Variants in ABCC4 observed in about 807,000 individuals in gnomAD.
ABCC4 encodes ATP-binding cassette sub-family C member 4.
A neutral mutation model predicts 168.5 loss-of-function variants in ABCC4; 102 were observed. The ratio of observed to expected loss-of-function variants is 0.61; its 90% CI spans 0.52 to 0.71. The LOEUF is 0.71. Ranked by LOEUF, ABCC4 falls within the 30% of genes least tolerant of loss-of-function variation. The probability of loss-of-function intolerance (pLI) is 0.00; values close to 1 mark genes in which losing one functional copy is unlikely to be tolerated. For missense variants in ABCC4, 1,402 were observed against 1,605.8 expected, an observed-to-expected ratio of 0.87 and a Z score of 2.17; for synonymous variants, 617 against 590.7, an observed-to-expected ratio of 1.04 and a Z score of -0.65.
chr13:95,118,733 G>A (rs2035462124), intron 19 of ABCC4, among the ~76,000 whole-genome samples: 1 of 152,212 alleles, frequency 6.6e-6, no homozygotes, highest in Non-Finnish European at 1.5e-5. Context: ...GGGATGTCGA[G>A]AGAAGAGGAG....
At chr13:95,117,255 TA>T (rs5805902) in intron 19 of ABCC4, among the ~76,000 whole-genome samples, 62,608 of 135,840 alleles carry the variant, frequency 0.46, 13,786 homozygotes, top group Middle Eastern at 0.64. Context: ...TCATGCCTGT[TA>T]AAAAAAAAAA....
In ABCC4 at chr13:95,210,743, G is replaced by A. The variant is rs748419615; in HGVS notation, c.570C>T (p.Thr190=). The change falls in exon 5 of 31, where the codon ACC becomes ACT. Residue 190 remains threonine, a synonymous_variant. Transcript: ENST00000645237. ...RLSNMAMGKT[T]TGQIVNLLSN... ...ACAGCAGATTGACTATCTGGCCTGT[G>A]GTTGTCTTCCCCATGGCCATGTTAC... 5.6e-6 allele frequency: 9 copies of A among 1,614,148 alleles called. No homozygotes were observed. The highest frequency in any genetic ancestry group is 2.7e-5 in the African/African-American group (2 of 75,046).
chr13:95,047,238 G>C (rs1191046056), intron 27 of ABCC4, among the ~76,000 whole-genome samples: 1 of 152,114 alleles, frequency 6.6e-6, no homozygotes. Flanking sequence ...GTCCTGCCTG[G>C]CTCTGCCAAC....
At chr13:95,063,831 C>G (rs1299805339) in intron 25 of ABCC4, among the ~76,000 whole-genome samples, 2 of 152,188 alleles carry the variant, frequency 1.3e-5, no homozygotes, top group Non-Finnish European at 2.9e-5. Flanking sequence ...CAGAAACTGG[C>G]CTCTGCACCA....
At chr13:95,203,920 T>G (rs919124346) in intron 8 of ABCC4, among the ~76,000 whole-genome samples, 1 of 152,182 alleles carries the variant, frequency 6.6e-6, no homozygotes, top group Non-Finnish European at 1.5e-5. Context: ...CTGGGCCACC[T>G]TGGGTCTGTA....
chr13:95,048,806 T>G (rs1466962308), intron 27 of ABCC4, among the ~76,000 whole-genome samples: 2 of 152,108 alleles, frequency 1.3e-5, no homozygotes, highest in Non-Finnish European at 2.9e-5. Flanking sequence ...TTAAAGTCGT[T>G]TTTTAATTAA....
chr13:95,050,458 C>T (rs891446592), intron 27 of ABCC4, among the ~76,000 whole-genome samples: 1 of 152,206 alleles, frequency 6.6e-6, no homozygotes, highest in Admixed American at 6.5e-5. Flanking sequence ...AAAACACTCT[C>T]CTCCAGTCTT....
chr13:95,207,937 C>A lies in ABCC4; in HGVS notation c.786-12G>T. ...TTGCAGTTTTACTCCTAAGGGGAAC[C>A]AGACACGGGAGATGAGCCTGAGCGA... On this transcript the variant is annotated splice_polypyrimidine_tract_variant and intron_variant, in intron 6 of 30. Transcript: ENST00000645237. The A allele has an allele frequency of 6.2e-7, 1 of 1,611,360 alleles. No homozygotes were observed. The highest frequency in any genetic ancestry group is 8.5e-7 in the Non-Finnish European group (1 of 1,179,386).
chr13:95,075,609 C>G, intron 21 of ABCC4, 58 bp from the exon 22 acceptor site: 6 of 1,606,994 alleles, frequency 3.7e-6, no homozygotes, highest in Non-Finnish European at 5.1e-6. Context: ...AAACCTGCGG[C>G]CTCCCAAGCT....
chr13:95,272,317 G>A (rs1459565628), intron 1 of ABCC4, among the ~76,000 whole-genome samples: 1 of 152,010 alleles, frequency 6.6e-6, no homozygotes, highest in Non-Finnish European at 1.5e-5. Flanking sequence ...TGGGATTACA[G>A]GTGTGAGCCA....
At chr13:95,098,205 A>G (rs2034677511) in intron 20 of ABCC4, among the ~76,000 whole-genome samples, 1 of 152,042 alleles carries the variant, frequency 6.6e-6, no homozygotes, top group African/African-American at 2.4e-5. Flanking sequence ...ACATATCAAA[A>G]TCATTGGATG....
At chr13:95,094,541 T>A (rs1245918935) in intron 20 of ABCC4, among the ~76,000 whole-genome samples, 1 of 152,092 alleles carries the variant, frequency 6.6e-6, no homozygotes, top group Admixed American at 6.5e-5. Flanking sequence ...GAGACTTAAA[T>A]CTAAGACCTG....
intron 1 of ABCC4, among the ~76,000 whole-genome samples, chr13:95,276,245 C>G (rs544798802): frequency 1.1e-4 from 16 of 151,914 alleles, no homozygotes; most frequent in African/African-American, 3.9e-4. Flanking sequence ...AAGACCTAGT[C>G]CCTACAAAAA....
At chr13:95,215,534 G>A (rs1409116794) in intron 4 of ABCC4, among the ~76,000 whole-genome samples, 1 of 152,132 alleles carries the variant, frequency 6.6e-6, no homozygotes, top group East Asian at 1.9e-4. Flanking sequence ...GATGGGGAAG[G>A]TAATAGAATT....
intron 20 of ABCC4, among the ~76,000 whole-genome samples, chr13:95,105,503 A>G (rs1472780880): frequency 6.6e-6 from 1 of 152,226 alleles, no homozygotes; most frequent in Non-Finnish European, 1.5e-5. Flanking sequence ...AGGACAAGTT[A>G]GAAGTTAATA....
intron 4 of ABCC4, among the ~76,000 whole-genome samples, chr13:95,218,927 GAGAAAGAAAGAAAGAAAGAA>G (rs71111597): frequency 9.7e-4 from 41 of 42,442 alleles, no homozygotes; most frequent in Middle Eastern, 0.01. Flanking sequence ...GAGAAAGAAA[GAGAAAGAAAGAAAGAAAGAA>G]AGAAAGAAAG....
intron 20 of ABCC4, among the ~76,000 whole-genome samples, chr13:95,100,422 G>A (rs1418152157): frequency 6.6e-6 from 1 of 152,148 alleles, no homozygotes; most frequent in African/African-American, 2.4e-5. Flanking sequence ...TGACAGTACT[G>A]CTTTCTACAT....
intron 30 of ABCC4, among the ~76,000 whole-genome samples, chr13:95,029,142 G>C (rs1439243899): frequency 7.0e-6 from 1 of 141,978 alleles, no homozygotes; most frequent in Non-Finnish European, 1.5e-5. Flanking sequence ...TGGGCAACAG[G>C]AGTGAAACTG....
At chr13:95,192,345 C>T (rs909453598) in intron 9 of ABCC4, among the ~76,000 whole-genome samples, 5 of 152,124 alleles carry the variant, frequency 3.3e-5, no homozygotes, top group Non-Finnish European at 7.3e-5. Context: ...CAGGACCTCC[C>T]TAATAATCCC....
Sources: allele counts gnomAD v4.1 joint callset (sites outside exome capture counted in the v4.1 genomes callset), GRCh38; gene constraint gnomAD v4.1.1; transcripts MANE v1.5; gene names NCBI Gene and HGNC (gene_info 2026-07-23, HGNC 2026-07-21).